CFAP54: variants seen among roughly 807,000 people sequenced by gnomAD.
CFAP54 encodes cilia- and flagella-associated protein 54.
A neutral mutation model predicts 370.4 loss-of-function variants in CFAP54; 290 were observed. That is an observed-to-expected ratio of 0.78 (90% CI 0.71 to 0.86). CFAP54 has a LOEUF of 0.86. CFAP54 is among the 40% of genes least tolerant of loss of function. The pLI is 0.00. For synonymous variants in CFAP54, 1,206 were observed against 1,236.5 expected (o/e 0.98, Z 0.52); for missense variants, 3,399 against 3,528.7 (o/e 0.96, Z 0.93).
At chr12:96,587,486 G>T (rs1051101607) in intron 22 of CFAP54, among the ~76,000 whole-genome samples, 1 of 152,036 alleles carries the variant, frequency 6.6e-6, no homozygotes, top group Non-Finnish European at 1.5e-5. Context: ...TTTTCATTCA[G>T]CCCCTCTAAA....
At chr12:96,764,076 C>A in intron 58 of CFAP54, 75 bp from the exon 59 acceptor site, 1 of 957,368 alleles carries the variant, frequency 1.0e-6, no homozygotes, top group Non-Finnish European at 1.6e-6. Context: ...TAGCATTTCA[C>A]TAAAATGTCA....
At chr12:96,746,890 A>G (rs1185522431) in intron 55 of CFAP54, among the ~76,000 whole-genome samples, 1 of 152,038 alleles carries the variant, frequency 6.6e-6, no homozygotes, top group Non-Finnish European at 1.5e-5. Flanking sequence ...CATTTCCTTA[A>G]ACTCTGTCCA....
intron 50 of CFAP54, among the ~76,000 whole-genome samples, chr12:96,722,680 A>C (rs1362468784): frequency 6.6e-6 from 1 of 152,182 alleles, no homozygotes; most frequent in African/African-American, 2.4e-5. Flanking sequence ...ATTGATTATA[A>C]GAGGAAAAGG....
intron 6 of CFAP54, among the ~76,000 whole-genome samples, chr12:96,520,901 T>C (rs1324914441): frequency 6.6e-6 from 1 of 152,236 alleles, no homozygotes; most frequent in Admixed American, 6.5e-5. Context: ...TCTGAAGGGT[T>C]TGATGCTGGT....
At chr12:96,834,569 C>A (rs562322991) in intron 66 of CFAP54, among the ~76,000 whole-genome samples, 1 of 152,246 alleles carries the variant, frequency 6.6e-6, no homozygotes, top group Non-Finnish European at 1.5e-5. Context: ...GCAGCTGGAC[C>A]AGGCGAACCA....
chr12:96,854,680 T>G (rs1030741118), intron 66 of CFAP54, among the ~76,000 whole-genome samples: 2 of 152,238 alleles, frequency 1.3e-5, no homozygotes, highest in East Asian at 3.8e-4. Flanking sequence ...TGTTCAATAA[T>G]GATAATCATA....
At chr12:96,555,465 AAAG>A (rs1178228644) in intron 17 of CFAP54, among the ~76,000 whole-genome samples, 3 of 151,384 alleles carry the variant, frequency 2.0e-5, no homozygotes, top group African/African-American at 7.3e-5. Flanking sequence ...AAGGATTGGA[AAAG>A]AAGAAACAAA....
At chr12:96,664,755 CTA>C (rs1163944647) in intron 39 of CFAP54, among the ~76,000 whole-genome samples, 31,762 of 78,400 alleles carry the variant, frequency 0.41, 5,721 homozygotes, top group Middle Eastern at 0.52. Context: ...ATATATATAT[CTA>C]TATATATCTA....
At chr12:96,821,993 C>T (rs1188359778) in intron 65 of CFAP54, among the ~76,000 whole-genome samples, 4 of 152,074 alleles carry the variant, frequency 2.6e-5, no homozygotes, top group Admixed American at 2.6e-4. Context: ...TTTTCTTCTT[C>T]ACTCCCTTTT....
intron 32 of CFAP54, among the ~76,000 whole-genome samples, chr12:96,636,594 C>T (rs1340749552): frequency 6.6e-6 from 1 of 152,236 alleles, no homozygotes; most frequent in East Asian, 1.9e-4. Flanking sequence ...TTGATCCTTT[C>T]TATTGTCTTG....
intron 39 of CFAP54, among the ~76,000 whole-genome samples, chr12:96,677,758 A>G (rs530990031): frequency 3.3e-5 from 5 of 152,156 alleles, no homozygotes; most frequent in Non-Finnish European, 5.9e-5. Flanking sequence ...TGCAGGGGAA[A>G]CAATTACTTC....
chr12:96,775,328 C>G (rs973457340), intron 60 of CFAP54, among the ~76,000 whole-genome samples: 2 of 152,076 alleles, frequency 1.3e-5, no homozygotes, highest in African/African-American at 4.8e-5. Context: ...ACTCGGGAGG[C>G]TGAGGCAGGA....
intron 25 of CFAP54, 113 bp downstream of exon 25, chr12:96,594,559 C>A: frequency 5.6e-6 from 4 of 710,224 alleles, no homozygotes; most frequent in Non-Finnish European, 8.4e-6. Context: ...GGTCAGGAAT[C>A]AGTATTATGA....
At position 96,753,909 on chromosome 12, in the gene CFAP54, T is replaced by C. The variant is rs1958219621; in HGVS notation, c.7840+11T>C. On this transcript the variant is annotated intron_variant, in intron 56 of 67. Coordinates refer to ENST00000524981, the MANE Select transcript of CFAP54 (RefSeq NM_001306084.2). ...TCCTTTTTCAGAAAGGTAAAATGCA[T>C]CTGGGGTCAGAACTATGATAAAATT... 1 of 1,611,908 alleles carries C rather than the reference T, an allele frequency of 6.2e-7. No homozygotes were observed.
intron 63 of CFAP54, among the ~76,000 whole-genome samples, chr12:96,798,145 G>C (rs1958786204): frequency 6.6e-6 from 1 of 151,438 alleles, no homozygotes; most frequent in Non-Finnish European, 1.5e-5. Context: ...TGTTTTTCTT[G>C]TTTTATACAA....
intron 50 of CFAP54, among the ~76,000 whole-genome samples, chr12:96,723,009 G>A (rs913842752): frequency 6.6e-6 from 1 of 152,138 alleles, no homozygotes; most frequent in African/African-American, 2.4e-5. Context: ...CAAGTATTCT[G>A]AGAGTCTTTA....
chr12:96,748,963 T>A (rs1399835235), intron 55 of CFAP54, among the ~76,000 whole-genome samples: 1 of 152,248 alleles, frequency 6.6e-6, no homozygotes, highest in East Asian at 1.9e-4. Context: ...CTTCAGTTAC[T>A]AGTACATCGA....
intron 15 of CFAP54, among the ~76,000 whole-genome samples, chr12:96,552,345 T>G (rs776163235): frequency 6.6e-6 from 1 of 152,014 alleles, no homozygotes; most frequent in South Asian, 2.1e-4. Context: ...ATAATAATCT[T>G]TTTTTTGTTG....
intron 64 of CFAP54, among the ~76,000 whole-genome samples, chr12:96,813,029 C>A (rs1015480004): frequency 4.6e-5 from 7 of 152,120 alleles, no homozygotes; most frequent in Admixed American, 1.3e-4. Context: ...AGGCTACAGA[C>A]CAGCATAGCT....
Sources: gnomAD v4.1 joint callset for allele counts (sites outside exome capture counted in the v4.1 genomes callset) on GRCh38, gnomAD v4.1.1 for gene constraint, MANE v1.5 for transcripts, NCBI Gene and HGNC (gene_info 2026-07-23, HGNC 2026-07-21) for gene names.